DYM: variants seen among roughly 807,000 people sequenced by gnomAD.
The protein encoded by DYM is dymeclin, also known as dyggve-Melchior-Clausen syndrome protein.
In DYM, 78 loss-of-function variants were observed where a neutral mutation model predicts 93.1. That is an observed-to-expected ratio of 0.84 (90% CI 0.70 to 1.01). The LOEUF is 1.01. DYM is among the 50% of genes least tolerant of loss of function. The pLI is 0.00. For missense variants in DYM, 789 were observed against 845.0 expected (o/e 0.93, Z 0.82); for synonymous variants, 321 against 319.7 (o/e 1.00, Z -0.04).
intron 17 of DYM, among the ~76,000 whole-genome samples, chr18:49,051,484 G>GT (rs2072436101): frequency 1.3e-5 from 2 of 152,230 alleles, no homozygotes; most frequent in Non-Finnish European, 2.9e-5. Context: ...GTCTAAAGGT[G>GT]TATTCCCTGC....
intron 15 of DYM, among the ~76,000 whole-genome samples, chr18:49,137,037 T>C (rs1451826899): frequency 6.6e-6 from 1 of 152,192 alleles, no homozygotes; most frequent in African/African-American, 2.4e-5. Flanking sequence ...CTTATCAAAG[T>C]ATAGTGACAG....
intron 16 of DYM, among the ~76,000 whole-genome samples, chr18:49,105,566 C>A (rs1225668637): frequency 6.6e-6 from 1 of 152,214 alleles, no homozygotes; most frequent in Non-Finnish European, 1.5e-5. Context: ...TTTCCCTCTA[C>A]ACACTGCTTT....
At chr18:49,044,630 C>G (rs1234267909) in intron 17 of DYM, among the ~76,000 whole-genome samples, 3 of 152,244 alleles carry the variant, frequency 2.0e-5, no homozygotes, top group African/African-American at 4.8e-5. Flanking sequence ...AGGTGAGGAC[C>G]TTCCCCTTCA....
chr18:49,047,845 C>A (rs2071828583), intron 17 of DYM, among the ~76,000 whole-genome samples: 1 of 152,014 alleles, frequency 6.6e-6, no homozygotes, highest in African/African-American at 2.4e-5. Context: ...AGGGGGGCAA[C>A]AAGTAGCTCC....
At chr18:49,256,805 T>G (rs999263721) in intron 13 of DYM, among the ~76,000 whole-genome samples, 6 of 152,194 alleles carry the variant, frequency 3.9e-5, no homozygotes, top group African/African-American at 1.4e-4. Flanking sequence ...AAAGATTGAA[T>G]GTAAATACAA....
At chr18:49,396,518 A>G (rs948967967) in intron 2 of DYM, among the ~76,000 whole-genome samples, 1 of 152,220 alleles carries the variant, frequency 6.6e-6, no homozygotes, top group Non-Finnish European at 1.5e-5. Context: ...AGTGCTCAAA[A>G]AGTTTTGGAT....
chr18:49,079,480 T>C (rs1392061515), intron 17 of DYM, among the ~76,000 whole-genome samples: 2 of 151,796 alleles, frequency 1.3e-5, no homozygotes, highest in African/African-American at 4.8e-5. Flanking sequence ...CATAGGACAA[T>C]AGTGGAGGGA....
intron 14 of DYM, among the ~76,000 whole-genome samples, chr18:49,178,457 T>C (rs1031222247): frequency 3.9e-5 from 6 of 152,160 alleles, no homozygotes; most frequent in Non-Finnish European, 8.8e-5. Context: ...AATAGCAAGA[T>C]CTCTATCCCA....
At chr18:49,360,334 A>T (rs2001801) in intron 6 of DYM, among the ~76,000 whole-genome samples, 87,936 of 150,578 alleles carry the variant, frequency 0.58, 26,293 homozygotes, top group Non-Finnish European at 0.66. Flanking sequence ...AAAAAAAAAA[A>T]ATATTTAGGG....
intron 17 of DYM, among the ~76,000 whole-genome samples, chr18:49,085,063 A>G (rs1568395224): frequency 6.6e-6 from 1 of 152,190 alleles, no homozygotes; most frequent in Non-Finnish European, 1.5e-5. Context: ...TGATCTCTCA[A>G]TTTACACTGA....
At chr18:49,202,393 G>A (rs989690330) in intron 14 of DYM, among the ~76,000 whole-genome samples, 1 of 150,834 alleles carries the variant, frequency 6.6e-6, no homozygotes, top group African/African-American at 2.4e-5. Flanking sequence ...TGCCGAGATT[G>A]CAGCCTCTGC....
intron 13 of DYM, among the ~76,000 whole-genome samples, chr18:49,246,269 T>C (rs1239057147): frequency 6.6e-6 from 1 of 152,262 alleles, no homozygotes; most frequent in Non-Finnish European, 1.5e-5. Context: ...TGTATTTACA[T>C]TGGACACGTG....
chr18:49,183,313 T>A (rs2090105764), intron 14 of DYM, among the ~76,000 whole-genome samples: 1 of 152,222 alleles, frequency 6.6e-6, no homozygotes, highest in African/African-American at 2.4e-5. Flanking sequence ...TATTAGGTAC[T>A]TGCTACTTTT....
chr18:49,112,659 T>C (rs749770930), intron 16 of DYM, among the ~76,000 whole-genome samples: 10 of 150,464 alleles, frequency 6.6e-5, no homozygotes, highest in Non-Finnish European at 1.0e-4. Context: ...AGGGAATTTA[T>C]TTTTTAGTAG....
intron 17 of DYM, among the ~76,000 whole-genome samples, chr18:49,066,266 G>A (rs865821973): frequency 4.6e-5 from 7 of 152,126 alleles, no homozygotes; most frequent in Middle Eastern, 6.8e-3. Context: ...TTTGTGGTAG[G>A]CGCTCCCTGC....
At chr18:49,205,956 T>C (rs1290262912) in intron 14 of DYM, 2 of 170,836 alleles carry the variant, frequency 1.2e-5, no homozygotes, top group Admixed American at 1.3e-4. Context: ...GTAAGACTTC[T>C]ATCTATAGCA....
chr18:49,384,679 A>G (rs1427204965), intron 3 of DYM, among the ~76,000 whole-genome samples: 1 of 151,664 alleles, frequency 6.6e-6, no homozygotes, highest in Middle Eastern at 3.2e-3. Flanking sequence ...ACAAACGACT[A>G]GAAATGATTA....
chr18:49,062,632 G>A (rs2076076573), intron 17 of DYM, among the ~76,000 whole-genome samples: 1 of 152,336 alleles, frequency 6.6e-6, no homozygotes, highest in South Asian at 2.1e-4. Context: ...GAACACACAC[G>A]GGTGGCCATG....
chr18:49,394,234 T>C (rs2069755723), intron 2 of DYM, among the ~76,000 whole-genome samples: 1 of 152,350 alleles, frequency 6.6e-6, no homozygotes, highest in African/African-American at 2.4e-5. Flanking sequence ...GTTAAATCTT[T>C]ATGTCTTAAT....
Sources: allele counts gnomAD v4.1 joint callset (sites outside exome capture counted in the v4.1 genomes callset), GRCh38; gene constraint gnomAD v4.1.1; transcripts MANE v1.5; gene names NCBI Gene and HGNC (gene_info 2026-07-23, HGNC 2026-07-21).